Variants in KIAA0586 observed in about 807,000 individuals in gnomAD.
KIAA0586 encodes the protein protein TALPID3.
In KIAA0586, 144 loss-of-function variants were observed where a neutral mutation model predicts 169.8. The ratio of observed to expected loss-of-function variants is 0.85; its 90% confidence interval spans 0.74 to 0.97. The LOEUF (loss-of-function observed/expected upper bound fraction) is 0.97. KIAA0586 is among the 50% of genes least tolerant of loss of function. The pLI, the probability that KIAA0586 is intolerant of heterozygous loss-of-function variation, is 0.00. For missense variants in KIAA0586, 1,854 were observed against 1,823.0 expected, an observed-to-expected ratio of 1.02 and a Z score of -0.31; for synonymous variants, 625 against 612.4, an observed-to-expected ratio of 1.02 and a Z score of -0.30.
chr14:58,469,670 A>G (rs2041049470), intron 16 of KIAA0586, among the ~76,000 whole-genome samples: 1 of 152,240 alleles, frequency 6.6e-6, no homozygotes, highest in Admixed American at 6.5e-5. Flanking sequence ...CTAGTAAAGC[A>G]TTAATTTTTA....
At chr14:58,561,209 G>T in the KIAA0586 span, among the ~76,000 whole-genome samples, 2 of 152,120 alleles carry the variant, frequency 1.3e-5, no homozygotes, top group Admixed American at 6.6e-5. Context: ...TGTGTGTTGA[G>T]ATTTTTCTCT....
At chr14:58,489,745 A>C (rs1050782805) in intron 24 of KIAA0586, among the ~76,000 whole-genome samples, 1 of 152,122 alleles carries the variant, frequency 6.6e-6, no homozygotes, top group African/African-American at 2.4e-5. Flanking sequence ...CTTAGAATAC[A>C]TGCCTAAAAG....
chr14:58,456,484 T>C (rs2039861748), intron 9 of KIAA0586, among the ~76,000 whole-genome samples: 1 of 152,222 alleles, frequency 6.6e-6, no homozygotes, highest in Admixed American at 6.5e-5. Flanking sequence ...ATCTAAACTT[T>C]TCTGGTTAGA....
chr14:58,463,317 C>T lies in KIAA0586; in HGVS notation c.2059+2157C>T, dbSNP rs568343757. ...TGTTTGTTTTATTATTTATTTGTCA[C>T]TACTGGACTGTAAGCTCCATGAGTA... On this transcript the variant is annotated intron_variant, in intron 14 of 30. Transcript: ENST00000652326. 7.2e-5 allele frequency among the ~76,000 whole-genome samples: 11 copies of T among 152,300 alleles called. No homozygotes were observed. The East Asian group carries it at 1.9e-3, about 27-fold the overall frequency.
chr14:58,441,148 A>T (rs949159463), intron 4 of KIAA0586: 4 of 223,832 alleles, frequency 1.8e-5, no homozygotes, highest in African/African-American at 9.1e-5. Flanking sequence ...GATAAAAAAT[A>T]GTCACAAAGT....
intron 25 of KIAA0586, among the ~76,000 whole-genome samples, chr14:58,490,833 CAACCT>C (rs1256686513): frequency 6.6e-6 from 1 of 151,936 alleles, no homozygotes; most frequent in Admixed American, 6.6e-5. Flanking sequence ...TATTTTTAAA[CAACCT>C]AAGCAAGGAA....
intron 27 of KIAA0586, among the ~76,000 whole-genome samples, chr14:58,500,463 T>C (rs2043484044): frequency 6.6e-6 from 1 of 152,084 alleles, no homozygotes; most frequent in Non-Finnish European, 1.5e-5. Flanking sequence ...TCCAGCACTT[T>C]GGGAGGCCAA....
chr14:58,494,453 A>G (rs537758372), intron 26 of KIAA0586, among the ~76,000 whole-genome samples: 77 of 149,548 alleles, frequency 5.1e-4, no homozygotes, highest in African/African-American at 1.9e-3. Flanking sequence ...TTGACTCCTC[A>G]GGTATCTGGT....
intron 29 of KIAA0586, among the ~76,000 whole-genome samples, chr14:58,529,130 A>G (rs756575820): frequency 9.9e-5 from 15 of 152,186 alleles, no homozygotes; most frequent in Admixed American, 2.0e-4. Flanking sequence ...TCCTGGACAC[A>G]TACACCCTCC....
chr14:58,552,721 G>A (rs1428705424), downstream of KIAA0586, among the ~76,000 whole-genome samples: 7 of 152,162 alleles, frequency 4.6e-5, no homozygotes, highest in Admixed American at 4.6e-4. Context: ...AAAGGAGCTG[G>A]TAAGGAGTCT....
At chr14:58,432,907 G>T (rs1435214123) in intron 4 of KIAA0586, among the ~76,000 whole-genome samples, 1 of 151,834 alleles carries the variant, frequency 6.6e-6, no homozygotes, top group Non-Finnish European at 1.5e-5. Flanking sequence ...GTAGAGATGG[G>T]GTTTCACTAT....
At chr14:58,427,558 T>G (rs2036918338), upstream of KIAA0586, 2 of 1,522,204 alleles carry the variant, frequency 1.3e-6, no homozygotes, top group Non-Finnish European at 1.8e-6. Flanking sequence ...TAAACCCCTG[T>G]TATGTCCGGA....
At chr14:58,541,709 A>G (rs1304867180) in intron 30 of KIAA0586, among the ~76,000 whole-genome samples, 1 of 152,256 alleles carries the variant, frequency 6.6e-6, no homozygotes, top group African/African-American at 2.4e-5. Context: ...ATGAATTTTA[A>G]ATATTTTTAA....
chr14:58,515,902 TAAACTACAAAA>T lies in KIAA0586; in HGVS notation c.4429+3276_4429+3286del, dbSNP rs1293984983. Reference sequence around the variant, plus strand: ...ACCCTAACTATAATAAAATGTCAGATAAACTACAAAATCATTAACATTTCTTGAACCCATCA... The same window carrying T: ...ACCCTAACTATAATAAAATGTCAGATTCATTAACATTTCTTGAACCCATCA... On this transcript the variant is annotated intron_variant, in intron 29 of 30. Transcript: ENST00000652326. Among the ~76,000 whole-genome samples, 427 of 152,236 alleles carry T rather than the reference TAAACTACAAAA, an allele frequency of 2.8e-3. 4 individuals are homozygous for T. Among genetic ancestry groups the T allele is most frequent in the African/African-American group, 9.8e-3 (409 of 41,544 alleles).
In KIAA0586 at chr14:58,450,686, C is replaced by T; in HGVS notation, c.1069C>T (p.Leu357=). Residue 357 remains leucine (L), a synonymous_variant, in exon 8 of 31, where the codon CTA becomes TTA. Transcript: ENST00000652326. Reference sequence around the variant, plus strand: ...TGTACCTGTTTCAAGGGATGATGAACTATCAAAGAGGGAAAATCTTTTGGA... The same window carrying T: ...TGTACCTGTTTCAAGGGATGATGAATTATCAAAGAGGGAAAATCTTTTGGA... ...APVPVSRDDE[L]SKRENLLEEK... 6.2e-7 allele frequency: 1 copy of T among 1,608,634 alleles called. No homozygotes were observed.
intron 17 of KIAA0586, among the ~76,000 whole-genome samples, chr14:58,471,582 T>G (rs552761636): frequency 6.6e-6 from 1 of 152,190 alleles, no homozygotes; most frequent in Non-Finnish European, 1.5e-5. Context: ...TCTTTCATGA[T>G]CATAAGTAAT....
chr14:58,519,933 A>T (rs1411180213), intron 29 of KIAA0586, among the ~76,000 whole-genome samples: 3 of 152,250 alleles, frequency 2.0e-5, no homozygotes, highest in Non-Finnish European at 4.4e-5. Context: ...TTTAATGTAG[A>T]CAGTCGTGCA....
chr14:58,498,594 C>A (rs1595384868), intron 26 of KIAA0586, among the ~76,000 whole-genome samples, 189 bp from the exon 27 acceptor site: 1 of 152,172 alleles, frequency 6.6e-6, no homozygotes, highest in Non-Finnish European at 1.5e-5. Context: ...GAAAACAAAG[C>A]CTATCACGAG....
chr14:58,551,431 T>C (rs1304768134), downstream of KIAA0586: 1 of 152,176 alleles, frequency 6.6e-6, no homozygotes, highest in East Asian at 1.9e-4. Context: ...GTAGCATTTT[T>C]AAGTTCATAG....
Sources: gnomAD v4.1 joint callset for allele counts (sites outside exome capture counted in the v4.1 genomes callset) on GRCh38, gnomAD v4.1.1 for gene constraint, MANE v1.5 for transcripts, NCBI Gene and HGNC (gene_info 2026-07-23, HGNC 2026-07-21) for gene names.